Variants in SIK3 observed in about 807,000 individuals in gnomAD.
The protein encoded by SIK3 is SIK family kinase 3.
A neutral mutation model predicts 144.2 loss-of-function variants in SIK3; 28 were observed. The observed-to-expected ratio is 0.19, with a 90% CI of 0.14 to 0.27. The LOEUF (loss-of-function observed/expected upper bound fraction) is 0.27, where lower values mean the gene tolerates loss of function less well. Among genes scored for constraint, SIK3 ranks in the 10% least tolerant of loss-of-function variants. The probability of loss-of-function intolerance (pLI) is 1.00; values close to 1 mark genes in which losing one functional copy is unlikely to be tolerated. For synonymous variants in SIK3, 686 were observed against 676.3 expected (o/e 1.01, Z -0.22); for missense variants, 1,319 against 1,776.0 (o/e 0.74, Z 4.62).
intron 4 of SIK3, among the ~76,000 whole-genome samples, chr11:116,900,301 C>T (rs1945665014): frequency 6.6e-6 from 1 of 152,202 alleles, no homozygotes; most frequent in South Asian, 2.1e-4. Flanking sequence ...CTTACTGCTT[C>T]AACTCCATGT....
At chr11:117,078,841 C>T (rs1182370794) in intron 1 of SIK3, among the ~76,000 whole-genome samples, 3 of 152,164 alleles carry the variant, frequency 2.0e-5, no homozygotes, top group Non-Finnish European at 4.4e-5. Flanking sequence ...ACAATCATCT[C>T]GATACCTTTT....
At chr11:117,079,346 G>T (rs1954685190) in intron 1 of SIK3, among the ~76,000 whole-genome samples, 1 of 152,100 alleles carries the variant, frequency 6.6e-6, no homozygotes, top group African/African-American at 2.4e-5. Flanking sequence ...AAATCAAGAA[G>T]GAAAAGAGCA....
At chr11:116,861,233 T>G (rs780966511) in intron 19 of SIK3, 41 bp downstream of exon 19, 64 of 1,401,000 alleles carry the variant, frequency 4.6e-5, no homozygotes, top group Non-Finnish European at 6.3e-5. Context: ...TTTTCCCATG[T>G]GGCATAAAAT....
intron 3 of SIK3, among the ~76,000 whole-genome samples, chr11:116,952,952 AG>A (rs1435677781): frequency 2.0e-5 from 3 of 152,210 alleles, no homozygotes; most frequent in Admixed American, 1.3e-4. Flanking sequence ...TATCACCATT[AG>A]CTTTGACATT....
intron 4 of SIK3, 109 bp downstream of exon 4, chr11:116,927,110 C>G: frequency 1.4e-6 from 1 of 703,690 alleles, no homozygotes; most frequent in East Asian, 3.3e-5. Flanking sequence ...ATTGTCCTTA[C>G]TTTCACAATA....
intron 13 of SIK3, 42 bp from the exon 14 acceptor site, chr11:116,870,443 T>C: frequency 3.7e-6 from 6 of 1,611,952 alleles, no homozygotes; most frequent in Non-Finnish European, 5.1e-6. Context: ...TGGCAGCTTA[T>C]TCTGTCATGC....
chr11:116,958,400 A>G (rs1421548651), intron 1 of SIK3, among the ~76,000 whole-genome samples: 1 of 152,238 alleles, frequency 6.6e-6, no homozygotes, highest in African/African-American at 2.4e-5. Flanking sequence ...GTACTCAAAG[A>G]GCATTCAAGC....
chr11:116,878,381 C>CTTT (rs35807799), intron 6 of SIK3, among the ~76,000 whole-genome samples: 3 of 144,258 alleles, frequency 2.1e-5, no homozygotes, highest in African/African-American at 5.2e-5. Flanking sequence ...CTCTCTCTCC[C>CTTT]TTTTTTTTTT....
chr11:117,030,748 G>A (rs899160367), intron 1 of SIK3, among the ~76,000 whole-genome samples: 4 of 152,120 alleles, frequency 2.6e-5, no homozygotes, highest in African/African-American at 9.7e-5. Context: ...ACAGCTCACT[G>A]CAGCCTCGAC....
At position 116,992,413 on chromosome 11, in the gene SIK3, C is replaced by T. The variant is rs929393046; in HGVS notation, c.274-35349G>A. Among the ~76,000 whole-genome samples the T allele has an allele frequency of 6.6e-5, 10 of 150,478 alleles. No individual in the cohort carries two copies. In the Admixed American group the frequency reaches 6.7e-4, roughly 10 times the overall value. On this transcript the variant is annotated intron_variant, in intron 1 of 24. Transcript: ENST00000445177. ...TTACTATTTCTGATTCTATTGTTTC[C>T]TTTCTTATCCACTCCTTACCTATAT...
intron 19 of SIK3, among the ~76,000 whole-genome samples, chr11:116,859,964 T>C (rs1591394089): frequency 6.6e-6 from 1 of 152,262 alleles, no homozygotes; most frequent in Admixed American, 6.5e-5. Context: ...ATGCAGACTC[T>C]AGGCCGGGCG....
chr11:116,896,470 G>A, intron 5 of SIK3, 94 bp from the exon 6 acceptor site: 2 of 1,364,956 alleles, frequency 1.5e-6, no homozygotes, highest in Non-Finnish European at 2.0e-6. Context: ...GGTGAGTCAT[G>A]CATACGATTA....
chr11:116,910,534 T>C (rs2134945726), intron 4 of SIK3, among the ~76,000 whole-genome samples: 1 of 152,268 alleles, frequency 6.6e-6, no homozygotes, highest in African/African-American at 2.4e-5. Context: ...CACTTTGTAT[T>C]TGGTAACAAT....
chr11:117,046,110 C>T (rs1254985990), intron 1 of SIK3, among the ~76,000 whole-genome samples: 1 of 152,204 alleles, frequency 6.6e-6, no homozygotes, highest in African/African-American at 2.4e-5. Flanking sequence ...CTGTCTTTCA[C>T]AATATACAAT....
intron 1 of SIK3, chr11:117,036,087 T>C: frequency 1.3e-6 from 1 of 784,872 alleles, no homozygotes; most frequent in Non-Finnish European, 2.0e-6. Context: ...GCCGGAAAGG[T>C]TAATTTTTTT....
intron 4 of SIK3, among the ~76,000 whole-genome samples, chr11:116,921,011 G>A (rs1443271211): frequency 1.3e-5 from 2 of 152,166 alleles, no homozygotes; most frequent in East Asian, 1.9e-4. Flanking sequence ...ATCATCCAGC[G>A]ATGCCGGCTC....
intron 4 of SIK3, among the ~76,000 whole-genome samples, chr11:116,913,004 T>C (rs1217490362): frequency 6.6e-6 from 1 of 152,220 alleles, no homozygotes; most frequent in Non-Finnish European, 1.5e-5. Context: ...TTTTCCTATA[T>C]AATGTCACTG....
intron 1 of SIK3, among the ~76,000 whole-genome samples, chr11:117,038,943 G>T (rs752826969): frequency 6.6e-6 from 1 of 151,902 alleles, no homozygotes; most frequent in Non-Finnish European, 1.5e-5. Flanking sequence ...CCAGCTACTC[G>T]GGAGGCTGAG....
intron 1 of SIK3, among the ~76,000 whole-genome samples, chr11:117,041,300 A>G (rs1261904284): frequency 6.6e-6 from 1 of 152,120 alleles, no homozygotes; most frequent in Non-Finnish European, 1.5e-5. Flanking sequence ...ATTTATATAG[A>G]CCAGCTTTCC....
Sources: gnomAD v4.1 joint callset for allele counts (sites outside exome capture counted in the v4.1 genomes callset) on GRCh38, gnomAD v4.1.1 for gene constraint, MANE v1.5 for transcripts, NCBI Gene and HGNC (gene_info 2026-07-23, HGNC 2026-07-21) for gene names.